DLG2: variants seen among roughly 807,000 people sequenced by gnomAD.
DLG2 encodes the protein disks large homolog 2.
DLG2 carries 45 observed loss-of-function variants against 132.5 expected under a neutral mutation model. That is an observed-to-expected ratio of 0.34 (90% CI 0.27 to 0.44). DLG2 has a LOEUF of 0.44. DLG2 is among the 20% of genes least tolerant of loss of function. The pLI is 1.00. For missense variants in DLG2, 1,045 were observed against 1,196.9 expected (o/e 0.87, Z 1.87); for synonymous variants, 424 against 419.6 (o/e 1.01, Z -0.13).
intron 18 of DLG2, among the ~76,000 whole-genome samples, chr11:83,660,878 G>A (rs891320360): frequency 6.6e-6 from 1 of 151,772 alleles, no homozygotes; most frequent in African/African-American, 2.4e-5. Context: ...CTCCCCATAT[G>A]TACACTTCTT....
intron 3 of DLG2, among the ~76,000 whole-genome samples, chr11:85,481,635 T>C (rs765924423): frequency 2.0e-5 from 3 of 151,984 alleles, no homozygotes; most frequent in Non-Finnish European, 4.4e-5. Context: ...CAGGTCTGTA[T>C]AGCAAATTAA....
chr11:84,820,323 T>C (rs1418594498), intron 6 of DLG2, among the ~76,000 whole-genome samples: 1 of 151,868 alleles, frequency 6.6e-6, no homozygotes, highest in Non-Finnish European at 1.5e-5. Context: ...AACTCTCAAT[T>C]GAACTATAGT....
At chr11:83,641,487 G>A (rs1282745881) in intron 18 of DLG2, among the ~76,000 whole-genome samples, 1 of 152,170 alleles carries the variant, frequency 6.6e-6, no homozygotes, top group Non-Finnish European at 1.5e-5. Context: ...GGATTTCAGA[G>A]CCAGATATGC....
chr11:83,553,700 A>G (rs1479756432), intron 19 of DLG2, among the ~76,000 whole-genome samples: 1 of 152,148 alleles, frequency 6.6e-6, no homozygotes, highest in Non-Finnish European at 1.5e-5. Flanking sequence ...ACTTTCACCC[A>G]GTAAGGTTCT....
rs541372478 is a variant in DLG2 at position 85,293,861 on chromosome 11, G to A, written c.41-8496C>T. On this transcript the variant is annotated intron_variant, in intron 3 of 27. Transcript: ENST00000376104. ...ATATAAGAGAATATTCTTGGTTTTA[G>A]AAAATGTGTAAGTATTTAGTGATCA... 2.6e-5 allele frequency among the ~76,000 whole-genome samples: 4 copies of A among 152,240 alleles called. No homozygotes were observed. The East Asian group carries it at 7.7e-4, about 29-fold the overall frequency.
chr11:84,138,647 A>G (rs531105972), intron 9 of DLG2, among the ~76,000 whole-genome samples: 9 of 152,310 alleles, frequency 5.9e-5, no homozygotes, highest in Admixed American at 5.2e-4. Context: ...ACATACTACA[A>G]CTAGGAAACA....
At chr11:84,166,896 G>C in intron 8 of DLG2, 1 of 532,538 alleles carries the variant, frequency 1.9e-6, no homozygotes, top group Non-Finnish European at 3.9e-6. Context: ...TTCCTCAAAA[G>C]AGTTCGGCCG....
chr11:83,780,239 G>T (rs558721142), intron 18 of DLG2, among the ~76,000 whole-genome samples: 1 of 152,146 alleles, frequency 6.6e-6, no homozygotes, highest in Non-Finnish European at 1.5e-5. Context: ...GGTACAGAAG[G>T]TGTCCATATT....
At chr11:84,444,987 G>A (rs1312094530) in intron 7 of DLG2, among the ~76,000 whole-genome samples, 3 of 152,000 alleles carry the variant, frequency 2.0e-5, no homozygotes, top group Non-Finnish European at 4.4e-5. Context: ...ATTTTTAGTA[G>A]AGACAGGGTT....
intron 15 of DLG2, among the ~76,000 whole-genome samples, chr11:83,886,116 AG>A (rs780426614): frequency 2.6e-3 from 389 of 152,340 alleles, no homozygotes; most frequent in Middle Eastern, 0.01. Flanking sequence ...CTTAACTGTA[AG>A]TGGACTAAAT....
chr11:84,900,364 C>G (rs2090733772), intron 6 of DLG2, among the ~76,000 whole-genome samples: 1 of 152,124 alleles, frequency 6.6e-6, no homozygotes, highest in African/African-American at 2.4e-5. Context: ...CACAAATATT[C>G]TGTACTATAT....
intron 8 of DLG2, among the ~76,000 whole-genome samples, chr11:84,178,805 A>C (rs1308117523): frequency 6.6e-6 from 1 of 152,168 alleles, no homozygotes; most frequent in Non-Finnish European, 1.5e-5. Flanking sequence ...GGGGAAACAG[A>C]CTACAGATCT....
At chr11:84,502,978 G>T (rs545305537) in intron 7 of DLG2, among the ~76,000 whole-genome samples, 5 of 152,160 alleles carry the variant, frequency 3.3e-5, no homozygotes, top group Admixed American at 6.5e-5. Flanking sequence ...GAAAGGAAAA[G>T]AAAAATAGAG....
At chr11:85,117,611 G>A (rs1031628642) in intron 5 of DLG2, among the ~76,000 whole-genome samples, 149 of 119,976 alleles carry the variant, frequency 1.2e-3, no homozygotes, top group Non-Finnish European at 1.4e-3. Context: ...TAGGTAAATA[G>A]AAAAAAAAAA....
intron 8 of DLG2, among the ~76,000 whole-genome samples, chr11:84,180,475 A>G (rs2096086622): frequency 6.6e-6 from 1 of 152,156 alleles, no homozygotes; most frequent in South Asian, 2.1e-4. Context: ...GGCAATAATG[A>G]CTGAAAATTT....
chr11:83,798,858 A>T (rs2043551007), intron 17 of DLG2, among the ~76,000 whole-genome samples: 1 of 152,192 alleles, frequency 6.6e-6, no homozygotes. Context: ...TCCTGAAGTG[A>T]TGAGATGCAA....
At chr11:83,877,998 C>A (rs992128018) in intron 15 of DLG2, among the ~76,000 whole-genome samples, 3 of 152,110 alleles carry the variant, frequency 2.0e-5, no homozygotes, top group Non-Finnish European at 4.4e-5. Context: ...TTACAGGTAA[C>A]CTTTTCCTGT....
At chr11:84,914,374 A>AG (rs1349399335) in intron 6 of DLG2, among the ~76,000 whole-genome samples, 1 of 152,230 alleles carries the variant, frequency 6.6e-6, no homozygotes, top group Non-Finnish European at 1.5e-5. Flanking sequence ...CCCAAGACAC[A>AG]GTACAATATC....
intron 7 of DLG2, among the ~76,000 whole-genome samples, chr11:84,497,013 A>G (rs575761814): frequency 4.6e-5 from 7 of 152,122 alleles, no homozygotes; most frequent in Non-Finnish European, 1.0e-4. Flanking sequence ...TTTTCCCTTC[A>G]TTATCTGACC....
Sources: allele counts gnomAD v4.1 joint callset (sites outside exome capture counted in the v4.1 genomes callset), GRCh38; gene constraint gnomAD v4.1.1; transcripts MANE v1.5; gene names NCBI Gene and HGNC (gene_info 2026-07-23, HGNC 2026-07-21).